The following CD1D variants were observed in gnomAD, a reference collection of about 807,000 sequenced individuals.
CD1D encodes the protein antigen-presenting glycoprotein CD1d.
CD1D carries 40 observed loss-of-function variants against 42.1 expected under a neutral mutation model. The observed-to-expected ratio is 0.95, with a 90% CI of 0.74 to 1.24. The LOEUF is 1.24. Ranked by LOEUF, CD1D falls within the 50% of genes most tolerant of loss-of-function variation. CD1D has a pLI of 0.00. For synonymous variants in CD1D, 178 were observed against 171.8 expected (o/e 1.04, Z -0.28); for missense variants, 437 against 416.5 (o/e 1.05, Z -0.43).
At chr1:158,182,731 G>A (rs1324155109) in intron 3 of CD1D, 147 bp from the exon 4 acceptor site, 8 of 946,022 alleles carry the variant, frequency 8.5e-6, no homozygotes, top group Non-Finnish European at 1.1e-5. Context: ...AGTTGTGGGA[G>A]ACTTCATTTC....
Position 158,184,305 on chromosome 1 carries a change from C to G in CD1D, c.*155C>G. ...TAGAGAACAGTCATGAGGCAGCTTTCATCACACCCTTTTAACATTTATCTA... is the reference window on the plus strand; with the variant it reads ...TAGAGAACAGTCATGAGGCAGCTTTGATCACACCCTTTTAACATTTATCTA... On this transcript the variant is annotated 3_prime_UTR_variant, in exon 6 of 6. Transcript: ENST00000674085. 1 of 711,592 alleles carries G rather than the reference C, an allele frequency of 1.4e-6. No individual in the cohort carries two copies. The highest frequency in any genetic ancestry group is 2.5e-5 in the East Asian group (1 of 40,574). The allele number at this position is 711,592 out of a possible 1,614,324, so 44.1% of individuals were successfully genotyped here. A position where few individuals can be genotyped will look rare whatever the true frequency, so the allele number is the denominator to read the frequency against.
At position 158,181,175 on chromosome 1, in the gene CD1D, A is replaced by T. The variant is rs543160873; in HGVS notation, c.61+13A>T. On this transcript the variant is annotated intron_variant, in intron 1 of 5. Transcript: ENST00000674085. ...GGAAGCGCTGAAGGTGGGTGGAACG[A>T]GGGCGCTTGAGTGCACTCGCGGGAG... is the stretch of plus-strand genomic sequence containing the variant. 1.9e-6 allele frequency: 3 copies of T among 1,548,928 alleles called. No homozygotes were observed. In the South Asian group the frequency reaches 3.6e-5, roughly 18 times the overall value.
Position 158,182,200 on chromosome 1 carries a change from T to A in CD1D, c.497T>A (p.Leu166His), listed in dbSNP as rs573460385. The change falls in exon 3 of 6, where the codon CTC becomes CAC. Residue 166 changes from leucine (L) to histidine (H), a missense_variant. Transcript: ENST00000674085. ...TGGGTAAACTTGGCCATTCAAGTGC[T>A]CAACCAGGACAAGTGGACGAGGGAA... is the stretch of plus-strand genomic sequence containing the variant. ...PLWVNLAIQVLNQDKWTRETV... is the reference protein window; with the variant it reads ...PLWVNLAIQVHNQDKWTRETV... 1 of 1,614,194 alleles carries A rather than the reference T, an allele frequency of 6.2e-7. No homozygotes were observed. Among genetic ancestry groups the A allele is most frequent in the South Asian group, 1.1e-5 (1 of 91,080 alleles).
rs757495862 is a variant in CD1D, at chr1:158,184,111, C to G, written c.987-18C>G. 3.1e-6 allele frequency: 5 copies of G among 1,614,004 alleles called. No individual in the cohort carries two copies. In the East Asian group the frequency reaches 8.9e-5, roughly 29 times the overall value. ...TTCCCTTTTCCTTAATGGTCTTTCCCTTTCTATTCTCTCACAGTTCCTATC... is the reference window on the plus strand; with the variant it reads ...TTCCCTTTTCCTTAATGGTCTTTCCGTTTCTATTCTCTCACAGTTCCTATC... On this transcript the variant is annotated intron_variant, in intron 5 of 5. Transcript: ENST00000674085.
Position 158,184,021 on chromosome 1 carries a change from G to A in CD1D, c.972G>A (p.Arg324=), listed in dbSNP as rs745896080. The A allele has an allele frequency of 6.2e-7, 1 of 1,614,146 alleles. No individual in the cohort carries two copies. Among genetic ancestry groups the A allele is most frequent in the South Asian group, 1.1e-5 (1 of 91,078 alleles). The change falls in exon 5 of 6, where the codon CGG becomes CGA. Residue 324 remains arginine (R), a synonymous_variant. Transcript: ENST00000674085. ...TCCTCATTGTGGGCTTTACCTCCCG[G>A]TTTAAGAGGCAAACGTAAGTCTCCC... The part of the protein sequence containing the change: ...LFLLIVGFTS[R]FKRQTSYQGV...
Position 158,181,062 on chromosome 1 carries a change from GCGCGC to G in CD1D, c.-39_-35del. 6.6e-7 allele frequency: 1 copy of G among 1,511,840 alleles called. No homozygotes were observed. Among genetic ancestry groups the G allele is most frequent in the Non-Finnish European group, 8.9e-7 (1 of 1,126,236 alleles). 93.7% of individuals were successfully genotyped at this position (1,511,840 alleles called of 1,614,324 possible). ...AGAAGAGTGCGCAGGTCAGAGGGCG[GCGCGC>G]AGCGGCGCTCCGCGAGGTCCCCACG... On this transcript the variant is annotated 5_prime_UTR_variant, in exon 1 of 6. Coordinates refer to ENST00000674085, the MANE Select transcript of CD1D (RefSeq NM_001371762.2).
upstream of CD1D, chr1:158,180,843 A>C (rs1648356079): frequency 5.0e-6 from 2 of 403,848 alleles, no homozygotes. Flanking sequence ...CCGGTTGTGA[A>C]ACCTACTGAA....
chr1:158,182,177 G>A lies in CD1D; in HGVS notation c.474G>A (p.Trp158Ter). The change falls in exon 3 of 6, where the codon TGG (tryptophan) becomes TGA (stop). Residue 158 changes from tryptophan (W) to a stop codon, truncating the protein, a stop_gained. Coordinates refer to ENST00000674085, the MANE Select transcript of CD1D (RefSeq NM_001371762.2). LOFTEE classifies it high-confidence loss of function. Reference sequence around the variant, plus strand: ...AGCCAACCCAAGAGGCCCCACTTTGGGTAAACTTGGCCATTCAAGTGCTCA... The same window carrying A: ...AGCCAACCCAAGAGGCCCCACTTTGAGTAAACTTGGCCATTCAAGTGCTCA... Reference protein sequence around the residue: ...SWEPTQEAPLWVNLAIQVLNQ... With the variant: ...SWEPTQEAPL 1 of 1,614,138 alleles carries A rather than the reference G, an allele frequency of 6.2e-7. No individual in the cohort carries two copies. The highest frequency in any genetic ancestry group is 8.5e-7 in the Non-Finnish European group (1 of 1,180,014).
At chr1:158,179,777 G>A (rs1054684139), upstream of CD1D, among the ~76,000 whole-genome samples, 17 of 152,134 alleles carry the variant, frequency 1.1e-4, no homozygotes, top group African/African-American at 4.1e-4. Flanking sequence ...CATGTAGAGG[G>A]AACTTTGTGC....
rs1193445318 is a variant in CD1D, at chr1:158,180,944, C to T, written c.-158C>T. On this transcript the variant is annotated 5_prime_UTR_variant, in exon 1 of 6. Coordinates refer to ENST00000674085, the MANE Select transcript of CD1D (RefSeq NM_001371762.2). ...GGCGCCCTTCGGCAGAAGCAGCAAA[C>T]CGCCGGCAAGCCCAGCGAGGAGGGC... is the stretch of plus-strand genomic sequence containing the variant. 3.3e-6 allele frequency: 2 copies of T among 598,756 alleles called. No individual in the cohort carries two copies. The highest frequency in any genetic ancestry group is 1.9e-5 in the African/African-American group (1 of 53,122). 37.1% of individuals were successfully genotyped at this position (598,756 alleles called of 1,614,324 possible).
intron 2 of CD1D, 41 bp downstream of exon 2, chr1:158,181,762 A>T: frequency 1.3e-6 from 2 of 1,597,536 alleles, no homozygotes; most frequent in Non-Finnish European, 1.7e-6. Flanking sequence ...ACCCAAGGGG[A>T]GAGAATGGCC....
rs1466417836 is a variant in CD1D, at chr1:158,185,388, A to G, written c.*1238A>G. Among the ~76,000 whole-genome samples, 1 of 152,172 alleles carries G rather than the reference A, an allele frequency of 6.6e-6. No individual in the cohort carries two copies. The highest frequency in any genetic ancestry group is 1.9e-4 in the East Asian group (1 of 5,182). On this transcript the variant is annotated 3_prime_UTR_variant, in exon 6 of 6. Transcript: ENST00000674085. ...ATATGAATTTAGGATGTGCGTGAAGATTCTGCTAGCTTCAACATATCCCAA... is the reference window on the plus strand; with the variant it reads ...ATATGAATTTAGGATGTGCGTGAAGGTTCTGCTAGCTTCAACATATCCCAA...
upstream of CD1D, among the ~76,000 whole-genome samples, chr1:158,179,006 C>CA (rs1176812771): frequency 4.7e-5 from 7 of 148,436 alleles, no homozygotes; most frequent in Non-Finnish European, 7.4e-5. Context: ...CAAACAAAAA[C>CA]AAAAAAACCA....
chr1:158,180,835 G>A (rs933468886), upstream of CD1D: 4 of 396,576 alleles, frequency 1.0e-5, no homozygotes, highest in Non-Finnish European at 1.8e-5. Flanking sequence ...GAGACACGCC[G>A]GTTGTGAAAC....
chr1:158,179,564 G>A (rs896795092), upstream of CD1D, among the ~76,000 whole-genome samples: 1 of 152,178 alleles, frequency 6.6e-6, no homozygotes, highest in Non-Finnish European at 1.5e-5. Flanking sequence ...TATAAACTCT[G>A]CTACATGCTG....
At chr1:158,179,145 A>C (rs1648282035), upstream of CD1D, among the ~76,000 whole-genome samples, 2 of 152,238 alleles carry the variant, frequency 1.3e-5, no homozygotes, top group South Asian at 4.1e-4. Context: ...ATTTGAAGAA[A>C]GTAAAGTTAA....
upstream of CD1D, chr1:158,180,821 A>C: frequency 2.6e-6 from 1 of 383,860 alleles, no homozygotes. Flanking sequence ...TGAAACAGGA[A>C]ATTGAGACAC....
intron 2 of CD1D, 109 bp from the exon 3 acceptor site, chr1:158,181,923 C>G (rs1648447908): frequency 7.0e-7 from 1 of 1,436,770 alleles, no homozygotes; most frequent in African/African-American, 1.4e-5. Flanking sequence ...ACTTACTTTC[C>G]TTTCCCTGAA....
In CD1D at chr1:158,185,419, T is replaced by C. The variant is rs565392856; in HGVS notation, c.*1269T>C. On this transcript the variant is annotated 3_prime_UTR_variant, in exon 6 of 6. Transcript: ENST00000674085. ...CTAGCTTCAACATATCCCAAAGCACTTGGATATGCCTATAATCCAAGTGCT... is the reference window on the plus strand; with the variant it reads ...CTAGCTTCAACATATCCCAAAGCACCTGGATATGCCTATAATCCAAGTGCT... Among the ~76,000 whole-genome samples, 1 of 152,310 alleles carries C rather than the reference T, an allele frequency of 6.6e-6. No homozygotes were observed. The highest frequency in any genetic ancestry group is 2.4e-5 in the African/African-American group (1 of 41,570).
Sources: gnomAD v4.1 joint callset for allele counts (sites outside exome capture counted in the v4.1 genomes callset) on GRCh38, gnomAD v4.1.1 for gene constraint, MANE v1.5 for transcripts, NCBI Gene and HGNC (gene_info 2026-07-23, HGNC 2026-07-21) for gene names.